The following CTNND2 variants were observed in gnomAD, a reference collection of about 807,000 sequenced individuals.
CTNND2 encodes the protein catenin delta-2.
CTNND2 carries 22 observed loss-of-function variants against 144.4 expected under a neutral mutation model. That is an observed-to-expected ratio of 0.15 (90% CI 0.11 to 0.22). CTNND2 has a LOEUF of 0.22. Among genes scored for constraint, CTNND2 ranks in the 10% least tolerant of loss-of-function variants. The pLI, the probability that CTNND2 is intolerant of heterozygous loss-of-function variation, is 1.00. For synonymous variants in CTNND2, 751 were observed against 695.6 expected (o/e 1.08, Z -1.25); for missense variants, 1,353 against 1,618.8 (o/e 0.84, Z 2.82).
chr5:11,841,809 A>G, intron 1 of CTNND2, among the ~76,000 whole-genome samples: 1 of 151,626 alleles, frequency 6.6e-6, no homozygotes, highest in African/African-American at 2.4e-5. Context: ...GAGCCCTTCC[A>G]TTCACAAGAA....
chr5:11,223,208 C>T (rs940131932), intron 10 of CTNND2, among the ~76,000 whole-genome samples: 7 of 152,168 alleles, frequency 4.6e-5, no homozygotes, highest in Admixed American at 6.5e-5. Flanking sequence ...CGTCTAAATC[C>T]CTCCATCACT....
At chr5:11,257,345 T>C (rs1409274872) in intron 9 of CTNND2, among the ~76,000 whole-genome samples, 1 of 152,212 alleles carries the variant, frequency 6.6e-6, no homozygotes, top group Admixed American at 6.5e-5. Context: ...TCAGAGTTCA[T>C]CACCATGCAC....
At chr5:11,558,938 C>T (rs1776461275) in intron 3 of CTNND2, among the ~76,000 whole-genome samples, 1 of 152,062 alleles carries the variant, frequency 6.6e-6, no homozygotes, top group Non-Finnish European at 1.5e-5. Context: ...AGGTTCTACA[C>T]TAGCACCACT....
chr5:11,374,726 C>G (rs2149786038), intron 7 of CTNND2, among the ~76,000 whole-genome samples: 1 of 149,496 alleles, frequency 6.7e-6, no homozygotes, highest in African/African-American at 2.5e-5. Context: ...TTATGGATCA[C>G]TACGAATATT....
intron 2 of CTNND2, among the ~76,000 whole-genome samples, chr5:11,651,568 C>T (rs1245616259): frequency 1.3e-5 from 2 of 152,188 alleles, no homozygotes; most frequent in Non-Finnish European, 2.9e-5. Context: ...GCACTGTATG[C>T]CTTGAAAAGC....
chr5:11,864,259 A>G (rs1476165025), intron 1 of CTNND2, among the ~76,000 whole-genome samples: 2 of 152,172 alleles, frequency 1.3e-5, no homozygotes, highest in African/African-American at 4.8e-5. Flanking sequence ...TCGTTCTTCA[A>G]TTTTAACAGC....
intron 9 of CTNND2, 111 bp from the exon 10 acceptor site, chr5:11,236,934 A>C (rs1741701570): frequency 3.4e-6 from 4 of 1,165,612 alleles, no homozygotes. Flanking sequence ...AAAATATTTC[A>C]TAAATGACTG....
chr5:11,000,808 T>C (rs1453071962), intron 18 of CTNND2, among the ~76,000 whole-genome samples: 1 of 152,102 alleles, frequency 6.6e-6, no homozygotes. Context: ...GTTTTAAAAA[T>C]AGTAATGCCT....
intron 3 of CTNND2, among the ~76,000 whole-genome samples, chr5:11,483,716 G>A (rs902092951): frequency 3.3e-5 from 5 of 152,158 alleles, no homozygotes; most frequent in East Asian, 3.9e-4. Flanking sequence ...TTTTGGCACC[G>A]AGTCTGTTCT....
At chr5:11,867,519 T>A (rs1305481858) in intron 1 of CTNND2, among the ~76,000 whole-genome samples, 2 of 152,206 alleles carry the variant, frequency 1.3e-5, no homozygotes, top group African/African-American at 4.8e-5. Flanking sequence ...TGGCAGAAAA[T>A]CCTGTGGCTA....
chr5:11,363,913 C>A (rs1756705951), intron 8 of CTNND2, among the ~76,000 whole-genome samples: 1 of 152,148 alleles, frequency 6.6e-6, no homozygotes, highest in Non-Finnish European at 1.5e-5. Context: ...GTCTGCAGAC[C>A]AGCAACACAG....
chr5:11,558,645 C>G (rs937342705), intron 3 of CTNND2, among the ~76,000 whole-genome samples: 1 of 152,102 alleles, frequency 6.6e-6, no homozygotes, highest in Non-Finnish European at 1.5e-5. Flanking sequence ...GCTGGGATTA[C>G]AGGTGTAAGC....
chr5:11,204,568 C>T (rs543750445), intron 10 of CTNND2, among the ~76,000 whole-genome samples: 4 of 151,666 alleles, frequency 2.6e-5, no homozygotes, highest in South Asian at 2.1e-4. Context: ...AAAAATAGGG[C>T]CCCATTTGTT....
intron 1 of CTNND2, among the ~76,000 whole-genome samples, chr5:11,843,333 C>T (rs1794570345): frequency 6.6e-6 from 1 of 152,130 alleles, no homozygotes; most frequent in South Asian, 2.1e-4. Context: ...ACCCAGCAGG[C>T]AAGAACATCA....
At chr5:11,311,781 A>T (rs1750904310) in intron 9 of CTNND2, among the ~76,000 whole-genome samples, 1 of 7,182 alleles carries the variant, frequency 1.4e-4, no homozygotes, top group Non-Finnish European at 4.1e-4. Context: ...CCCTCACCTC[A>T]CACACACACA....
At chr5:11,724,013 C>A (rs1312956650) in intron 2 of CTNND2, among the ~76,000 whole-genome samples, 1 of 151,746 alleles carries the variant, frequency 6.6e-6, no homozygotes, top group Non-Finnish European at 1.5e-5. Context: ...TGAGATCACA[C>A]CACTGCACTC....
intron 1 of CTNND2, among the ~76,000 whole-genome samples, chr5:11,739,336 G>A (rs889579047): frequency 6.6e-6 from 1 of 152,192 alleles, no homozygotes; most frequent in Non-Finnish European, 1.5e-5. Context: ...GCCACAGTGA[G>A]AGGAGACCAG....
At chr5:11,848,955 A>G (rs1220878138) in intron 1 of CTNND2, among the ~76,000 whole-genome samples, 2 of 152,164 alleles carry the variant, frequency 1.3e-5, no homozygotes, top group Non-Finnish European at 2.9e-5. Context: ...CCATTGACAT[A>G]TTGACACTAC....
chr5:11,828,656 C>G (rs544211110), intron 1 of CTNND2, among the ~76,000 whole-genome samples: 1 of 152,180 alleles, frequency 6.6e-6, no homozygotes, highest in Admixed American at 6.5e-5. Context: ...TCCCCAGCCA[C>G]GTGGAACAGT....
Sources: allele counts gnomAD v4.1 joint callset (sites outside exome capture counted in the v4.1 genomes callset), GRCh38; gene constraint gnomAD v4.1.1; transcripts MANE v1.5; gene names NCBI Gene and HGNC (gene_info 2026-07-23, HGNC 2026-07-21).